TSHZ2: variants seen among roughly 807,000 people sequenced by gnomAD.
TSHZ2 encodes the protein teashirt homolog 2.
Under a neutral mutation model 74.4 loss-of-function variants are expected in TSHZ2, and 21 were observed. The observed-to-expected ratio is 0.28, with a 90% CI of 0.20 to 0.41. The LOEUF is 0.41. Ranked by LOEUF, TSHZ2 falls within the 10% of genes least tolerant of loss-of-function variation. The pLI is 1.00. For synonymous variants in TSHZ2, 540 were observed against 515.3 expected (o/e 1.05, Z -0.65); for missense variants, 1,244 against 1,293.5 (o/e 0.96, Z 0.59).
intron 2 of TSHZ2, among the ~76,000 whole-genome samples, chr20:53,338,932 A>G (rs1182625649): frequency 6.6e-6 from 1 of 152,214 alleles, no homozygotes; most frequent in Non-Finnish European, 1.5e-5. Context: ...CATTGCAGTG[A>G]TGGGAAGCAC....
chr20:53,008,983 CT>C (rs1568717393), intron 1 of TSHZ2, among the ~76,000 whole-genome samples: 12 of 7,256 alleles, frequency 1.7e-3, no homozygotes, highest in African/African-American at 2.3e-3. Flanking sequence ...TCTTTCTCCT[CT>C]CTCTCTCTCT....
chr20:53,337,638 G>T (rs1980006837), intron 2 of TSHZ2, among the ~76,000 whole-genome samples: 1 of 152,164 alleles, frequency 6.6e-6, no homozygotes, highest in Non-Finnish European at 1.5e-5. Flanking sequence ...AGTACAAGAG[G>T]CTGAACAACC....
chr20:53,096,260 G>T (rs1463796798), intron 1 of TSHZ2, among the ~76,000 whole-genome samples: 2 of 152,116 alleles, frequency 1.3e-5, no homozygotes, highest in African/African-American at 4.8e-5. Context: ...TCTTGTTTCA[G>T]CCTCCCAAAT....
Position 53,281,173 on chromosome 20 carries a change from A to G in TSHZ2, c.*8+24602A>G, listed in dbSNP as rs550901459. Among the ~76,000 whole-genome samples, 394 of 152,314 alleles carry G rather than the reference A, an allele frequency of 2.6e-3. 1 individual carries two copies. The highest frequency in any genetic ancestry group is 8.8e-3 in the African/African-American group (366 of 41,574). ...TGTTAGTTGTAAGAATGCTGAGCCAAAAAATGGGGAAATGGAAGGCTACTT... is the reference window on the plus strand; with the variant it reads ...TGTTAGTTGTAAGAATGCTGAGCCAGAAAATGGGGAAATGGAAGGCTACTT... On this transcript the variant is annotated intron_variant, in intron 2 of 2. Coordinates refer to ENST00000371497, the MANE Select transcript of TSHZ2 (RefSeq NM_173485.6).
At chr20:53,116,005 G>A (rs993994406) in intron 1 of TSHZ2, among the ~76,000 whole-genome samples, 1 of 152,220 alleles carries the variant, frequency 6.6e-6, no homozygotes, top group Non-Finnish European at 1.5e-5. Flanking sequence ...AGGAAACCAA[G>A]CTATCGTGAG....
At chr20:53,188,421 G>A (rs1001138358) in intron 1 of TSHZ2, among the ~76,000 whole-genome samples, 5 of 152,208 alleles carry the variant, frequency 3.3e-5, no homozygotes, top group African/African-American at 1.2e-4. Context: ...ACAAGGCAAT[G>A]CTAAGCAACC....
At chr20:53,263,884 A>AG (rs1430067626) in intron 2 of TSHZ2, among the ~76,000 whole-genome samples, 2 of 152,098 alleles carry the variant, frequency 1.3e-5, no homozygotes, top group African/African-American at 4.8e-5. Context: ...TACTCAGAGG[A>AG]GGGGGGCAGG....
intron 1 of TSHZ2, among the ~76,000 whole-genome samples, chr20:53,191,737 G>A (rs1270742712): frequency 1.3e-5 from 2 of 152,196 alleles, no homozygotes; most frequent in Non-Finnish European, 2.9e-5. Context: ...TTGTTCCCCA[G>A]CACTGATTGA....
chr20:53,003,725 G>A (rs1238955911), intron 1 of TSHZ2, among the ~76,000 whole-genome samples: 2 of 152,102 alleles, frequency 1.3e-5, no homozygotes, highest in African/African-American at 4.8e-5. Flanking sequence ...CGTTGTCTGT[G>A]CTGATAGAAA....
At chr20:53,239,251 T>C (rs909598550) in intron 1 of TSHZ2, among the ~76,000 whole-genome samples, 1 of 151,988 alleles carries the variant, frequency 6.6e-6, no homozygotes, top group African/African-American at 2.4e-5. Context: ...TCATTAAGGG[T>C]GTGTTGGACA....
intron 2 of TSHZ2, among the ~76,000 whole-genome samples, chr20:53,472,707 C>G (rs74175920): frequency 1.3e-5 from 2 of 151,318 alleles, no homozygotes; most frequent in African/African-American, 2.4e-5. Context: ...GCCTGAGCGA[C>G]GCAGAAGACG....
intron 1 of TSHZ2, among the ~76,000 whole-genome samples, chr20:53,099,334 G>A (rs1335427457): frequency 1.3e-5 from 2 of 152,080 alleles, no homozygotes. Context: ...CTTGTAGAGG[G>A]CCTTCCCTGT....
chr20:53,287,582 G>A (rs568029436), intron 2 of TSHZ2, among the ~76,000 whole-genome samples: 2 of 152,344 alleles, frequency 1.3e-5, no homozygotes, highest in African/African-American at 4.8e-5. Context: ...AGTATCCCCA[G>A]AAGAGGAAGT....
intron 1 of TSHZ2, among the ~76,000 whole-genome samples, chr20:53,076,372 C>A (rs569606300): frequency 6.6e-6 from 1 of 152,186 alleles, no homozygotes; most frequent in South Asian, 2.1e-4. Flanking sequence ...TGATTTAATT[C>A]ATTCATTCAT....
At chr20:53,463,486 G>A (rs559693866) in intron 2 of TSHZ2, among the ~76,000 whole-genome samples, 1 of 129,112 alleles carries the variant, frequency 7.7e-6, no homozygotes, top group East Asian at 2.3e-4. Context: ...GTAGGGAGAG[G>A]AAAGAAAGAG....
At chr20:53,031,882 G>A (rs1174658098) in intron 1 of TSHZ2, among the ~76,000 whole-genome samples, 2 of 151,844 alleles carry the variant, frequency 1.3e-5, no homozygotes, top group African/African-American at 2.4e-5. Flanking sequence ...AGTAATCCAT[G>A]TGCAGCATGA....
intron 2 of TSHZ2, among the ~76,000 whole-genome samples, chr20:53,448,569 A>G (rs1167285537): frequency 2.0e-5 from 3 of 152,214 alleles, no homozygotes; most frequent in African/African-American, 7.2e-5. Context: ...CTATCAGATA[A>G]TTGGGCTGGT....
At chr20:53,026,569 T>C (rs1271913192) in intron 1 of TSHZ2, among the ~76,000 whole-genome samples, 1 of 152,038 alleles carries the variant, frequency 6.6e-6, no homozygotes, top group Non-Finnish European at 1.5e-5. Context: ...CAACAAAACT[T>C]CTATAGCTAT....
At chr20:53,480,894 C>G (rs1461550974) in intron 2 of TSHZ2, among the ~76,000 whole-genome samples, 3 of 152,192 alleles carry the variant, frequency 2.0e-5, no homozygotes, top group African/African-American at 7.2e-5. Context: ...CTGTTGGTGG[C>G]TCTGTAATTA....
Sources: gnomAD v4.1 joint callset for allele counts (sites outside exome capture counted in the v4.1 genomes callset) on GRCh38, gnomAD v4.1.1 for gene constraint, MANE v1.5 for transcripts, NCBI Gene and HGNC (gene_info 2026-07-23, HGNC 2026-07-21) for gene names.